CDYL: variants seen among roughly 807,000 people sequenced by gnomAD.
CDYL encodes the protein chromodomain Y-like protein.
In CDYL, 8 loss-of-function variants were observed where a neutral mutation model predicts 47.3. The ratio of observed to expected loss-of-function variants is 0.17; its 90% CI spans 0.10 to 0.31. CDYL has a LOEUF of 0.31. CDYL is among the 10% of genes least tolerant of loss of function. The pLI is 1.00. For synonymous variants in CDYL, 266 were observed against 265.0 expected (o/e 1.00, Z -0.04); for missense variants, 471 against 701.4 (o/e 0.67, Z 3.71).
chr6:4,917,589 T>G (rs74949669), intron 2 of CDYL, among the ~76,000 whole-genome samples: 2 of 152,224 alleles, frequency 1.3e-5, no homozygotes, highest in East Asian at 1.9e-4. Context: ...AATCTCCGAT[T>G]TACAGATGAA....
intron 1 of CDYL, among the ~76,000 whole-genome samples, chr6:4,873,352 G>A (rs995532466): frequency 6.6e-6 from 1 of 152,158 alleles, no homozygotes; most frequent in African/African-American, 2.4e-5. Context: ...TGACTACTAT[G>A]ACTTTTAGCA....
intron 4 of CDYL, among the ~76,000 whole-genome samples, chr6:4,942,381 C>T (rs1195060064): frequency 6.6e-6 from 1 of 152,180 alleles, no homozygotes; most frequent in Non-Finnish European, 1.5e-5. Flanking sequence ...GGGGAGCTAT[C>T]TCAGATGCTG....
At chr6:4,719,469 C>G (rs1254609167) in intron 2 of CDYL, among the ~76,000 whole-genome samples, 1 of 152,176 alleles carries the variant, frequency 6.6e-6, no homozygotes, top group Non-Finnish European at 1.5e-5. Flanking sequence ...TTTCCCAGCT[C>G]TACACCTATC....
chr6:4,757,492 A>T (rs1311745283), intron 3 of CDYL, among the ~76,000 whole-genome samples: 1 of 152,198 alleles, frequency 6.6e-6, no homozygotes, highest in African/African-American at 2.4e-5. Context: ...AATGCTTGGA[A>T]ACCATAATCT....
intron 1 of CDYL, among the ~76,000 whole-genome samples, chr6:4,784,155 A>G (rs777198605): frequency 3.3e-5 from 5 of 152,186 alleles, no homozygotes; most frequent in Non-Finnish European, 5.9e-5. Flanking sequence ...TTAATTTTCA[A>G]TAATTACATT....
At chr6:4,822,178 G>GT (rs1216535544) in intron 1 of CDYL, among the ~76,000 whole-genome samples, 1 of 151,564 alleles carries the variant, frequency 6.6e-6, no homozygotes, top group Non-Finnish European at 1.5e-5. Flanking sequence ...TAGAGATGGG[G>GT]TTGGCGGGGG....
At chr6:4,890,144 CA>C in intron 1 of CDYL, 5 of 985,440 alleles carry the variant, frequency 5.1e-6, no homozygotes, top group Non-Finnish European at 6.0e-6. Flanking sequence ...GGGCAGGAGG[CA>C]GGGGGAACAT....
At chr6:4,723,264 G>A (rs761750443) in intron 2 of CDYL, among the ~76,000 whole-genome samples, 4 of 152,030 alleles carry the variant, frequency 2.6e-5, no homozygotes, top group Non-Finnish European at 4.4e-5. Flanking sequence ...AGTTTTATAC[G>A]CATTGACTAT....
Position 4,935,907 on chromosome 6 carries a change from G to C in CDYL, c.948+136G>C, listed in dbSNP as rs1758178311. On this transcript the variant is annotated intron_variant, in intron 3 of 6. Transcript: ENST00000397588. ...CCATCTCCCGATGCCCACCAGAAGG[G>C]AGGGAGCAGAGGGGAAGTTGCGGGC... is the stretch of plus-strand genomic sequence containing the variant. 3.0e-6 allele frequency: 4 copies of C among 1,343,052 alleles called. No individual in the cohort carries two copies. In the African/African-American group the frequency reaches 5.8e-5, roughly 20 times the overall value. The allele number at this position is 1,343,052 out of a possible 1,614,324, so 83.2% of individuals were successfully genotyped here.
intron 1 of CDYL, among the ~76,000 whole-genome samples, chr6:4,807,814 C>G (rs72821447): frequency 6.6e-6 from 1 of 151,686 alleles, no homozygotes; most frequent in African/African-American, 2.4e-5. Context: ...CTATGTTGCC[C>G]GTGCTGGTCT....
At chr6:4,920,037 C>A (rs1757667652) in intron 2 of CDYL, among the ~76,000 whole-genome samples, 1 of 152,186 alleles carries the variant, frequency 6.6e-6, no homozygotes, top group Non-Finnish European at 1.5e-5. Context: ...CATGGAGATT[C>A]TCACACATGC....
intron 1 of CDYL, among the ~76,000 whole-genome samples, chr6:4,793,946 T>G (rs1365244353): frequency 6.6e-6 from 1 of 152,036 alleles, no homozygotes; most frequent in Non-Finnish European, 1.5e-5. Context: ...GGTGGGTATT[T>G]AGGAGTTGGA....
chr6:4,865,522 G>A (rs934548741), intron 1 of CDYL, among the ~76,000 whole-genome samples: 2 of 152,212 alleles, frequency 1.3e-5, no homozygotes, highest in African/African-American at 4.8e-5. Flanking sequence ...ATGTTCGAGT[G>A]CTGTTTTCTT....
chr6:4,918,241 G>A (rs1213757954), intron 2 of CDYL, among the ~76,000 whole-genome samples: 7 of 44,208 alleles, frequency 1.6e-4, no homozygotes, highest in Non-Finnish European at 3.9e-4. Context: ...AGATCCCACT[G>A]CTGGAGAATT....
intron 1 of CDYL, among the ~76,000 whole-genome samples, chr6:4,777,752 C>T (rs1237134931): frequency 1.3e-5 from 2 of 152,104 alleles, no homozygotes; most frequent in Non-Finnish European, 2.9e-5. Flanking sequence ...GCCCTGTGGC[C>T]CCAGGGATCC....
intron 2 of CDYL, among the ~76,000 whole-genome samples, chr6:4,721,474 C>T (rs765105130): frequency 3.3e-5 from 5 of 152,104 alleles, no homozygotes; most frequent in African/African-American, 4.8e-5. Context: ...CCTCCGACTC[C>T]CAGGAGTCAA....
intron 1 of CDYL, among the ~76,000 whole-genome samples, chr6:4,810,303 G>A (rs1759493833): frequency 6.6e-6 from 1 of 152,162 alleles, no homozygotes; most frequent in South Asian, 2.1e-4. Flanking sequence ...CAACTAGCAT[G>A]AGTTAAAGAA....
chr6:4,708,596 A>T (rs1757091180), intron 1 of CDYL, among the ~76,000 whole-genome samples: 1 of 152,210 alleles, frequency 6.6e-6, no homozygotes, highest in African/African-American at 2.4e-5. Flanking sequence ...GTTTATGATG[A>T]TTATTTTGAT....
chr6:4,752,333 T>C (rs183451005), intron 3 of CDYL, among the ~76,000 whole-genome samples: 29 of 152,198 alleles, frequency 1.9e-4, no homozygotes, highest in African/African-American at 7.0e-4. Flanking sequence ...CAAATAAAGG[T>C]CTTTTATAGC....
Sources: allele counts gnomAD v4.1 joint callset (sites outside exome capture counted in the v4.1 genomes callset), GRCh38; gene constraint gnomAD v4.1.1; transcripts MANE v1.5; gene names NCBI Gene and HGNC (gene_info 2026-07-23, HGNC 2026-07-21).